The following SLC16A10 variants were observed in gnomAD, a reference collection of about 807,000 sequenced individuals.
The protein encoded by SLC16A10 is monocarboxylate transporter 10.
A neutral mutation model predicts 40.0 loss-of-function variants in SLC16A10; 27 were observed. The ratio of observed to expected loss-of-function variants is 0.67; its 90% CI spans 0.50 to 0.93. SLC16A10 has a LOEUF of 0.93. Ranked by LOEUF, SLC16A10 falls within the 40% of genes least tolerant of loss-of-function variation. The pLI is 0.00. For synonymous variants in SLC16A10, 213 were observed against 249.8 expected (o/e 0.85, Z 1.39); for missense variants, 529 against 658.2 (o/e 0.80, Z 2.15).
chr6:111,100,448 G>A (rs1771154089), intron 1 of SLC16A10, among the ~76,000 whole-genome samples: 1 of 152,060 alleles, frequency 6.6e-6, no homozygotes, highest in Non-Finnish European at 1.5e-5. Context: ...GAGTGCAGTG[G>A]TGCGATCTCG....
At chr6:111,123,264 GA>G (rs1328901121) in intron 1 of SLC16A10, among the ~76,000 whole-genome samples, 1 of 152,106 alleles carries the variant, frequency 6.6e-6, no homozygotes, top group Non-Finnish European at 1.5e-5. Context: ...ATTCTCTCAT[GA>G]GCAACTGTGC....
intron 1 of SLC16A10, among the ~76,000 whole-genome samples, chr6:111,106,726 A>T (rs1771290460): frequency 6.6e-6 from 1 of 152,254 alleles, no homozygotes; most frequent in Admixed American, 6.5e-5. Context: ...TGATAAGTGA[A>T]TAGAAACTAG....
rs1394555559 is a variant in SLC16A10 at position 111,228,417 on chromosome 6, T to C, written c.*6182T>C. 2.0e-5 allele frequency: 3 copies of C among 152,208 alleles called. No homozygotes were observed. The highest frequency in any genetic ancestry group is 7.2e-5 in the African/African-American group (3 of 41,448). The allele number at this position is 152,208 out of a possible 1,614,324, so 9.4% of individuals were successfully genotyped here. ...AACCCAGTCTACCCAAAGAAGTTGC[T>C]TTGCCTTTCAATATGAGTGCTATAA... On this transcript the variant is annotated 3_prime_UTR_variant, in exon 6 of 6. Transcript: ENST00000368851.
At chr6:111,141,932 G>A (rs1235383234) in intron 1 of SLC16A10, among the ~76,000 whole-genome samples, 1 of 152,138 alleles carries the variant, frequency 6.6e-6, no homozygotes, top group Non-Finnish European at 1.5e-5. Context: ...TTATTTTGTG[G>A]ATATTGACAA....
chr6:111,098,314 A>C (rs1330331695), intron 1 of SLC16A10, among the ~76,000 whole-genome samples: 2 of 152,186 alleles, frequency 1.3e-5, no homozygotes, highest in South Asian at 4.1e-4. Context: ...CTCAAAAAAA[A>C]AGAAAACCCT....
intron 4 of SLC16A10, among the ~76,000 whole-genome samples, chr6:111,215,573 A>C (rs1773406988): frequency 6.6e-6 from 1 of 152,194 alleles, no homozygotes; most frequent in African/African-American, 2.4e-5. Flanking sequence ...AATCCATTGA[A>C]TCTGGCCCCG....
chr6:111,147,300 T>C (rs1238486332), intron 1 of SLC16A10, among the ~76,000 whole-genome samples: 1 of 152,216 alleles, frequency 6.6e-6, no homozygotes, highest in Non-Finnish European at 1.5e-5. Context: ...ATAAAGTATT[T>C]ATAGCCAAAT....
chr6:111,116,830 C>A (rs903776766), intron 1 of SLC16A10, among the ~76,000 whole-genome samples: 1 of 152,136 alleles, frequency 6.6e-6, no homozygotes, highest in African/African-American at 2.4e-5. Context: ...GCAGCCAGAT[C>A]TTTTAAAGGT....
chr6:111,215,414 TAAAA>T (rs34294985), intron 4 of SLC16A10, among the ~76,000 whole-genome samples: 30 of 128,078 alleles, frequency 2.3e-4, no homozygotes, highest in Non-Finnish European at 3.3e-4. Context: ...GTACTGGTGT[TAAAA>T]AAAAAAAAAA....
At chr6:111,165,978 A>G (rs1354406093) in intron 1 of SLC16A10, among the ~76,000 whole-genome samples, 1 of 152,118 alleles carries the variant, frequency 6.6e-6, no homozygotes, top group Non-Finnish European at 1.5e-5. Context: ...TCCTTCAGAG[A>G]CCTGTAGCAA....
At chr6:111,157,269 T>C (rs1418426301) in intron 1 of SLC16A10, among the ~76,000 whole-genome samples, 1 of 151,920 alleles carries the variant, frequency 6.6e-6, no homozygotes, top group Non-Finnish European at 1.5e-5. Flanking sequence ...GATCGTACTA[T>C]TGAGATAAAA....
chr6:111,095,158 C>G (rs1285440619), intron 1 of SLC16A10, among the ~76,000 whole-genome samples: 1 of 152,250 alleles, frequency 6.6e-6, no homozygotes, highest in East Asian at 1.9e-4. Context: ...GCCCCTGCTT[C>G]TCTCCCTTAC....
In SLC16A10 at chr6:111,229,947, C is replaced by T. The variant is rs1771076727; in HGVS notation, c.*7712C>T. ...TCTTTAATGTTCTGTAGGTAGGATTCAGATGAATTGAGAATGACAGGTTTC... is the reference window on the plus strand; with the variant it reads ...TCTTTAATGTTCTGTAGGTAGGATTTAGATGAATTGAGAATGACAGGTTTC... On this transcript the variant is annotated 3_prime_UTR_variant, in exon 6 of 6. Coordinates refer to ENST00000368851, the MANE Select transcript of SLC16A10 (RefSeq NM_018593.5). 1 of 145,062 alleles carries T rather than the reference C, an allele frequency of 6.9e-6. No homozygotes were observed. Among genetic ancestry groups the T allele is most frequent in the African/African-American group, 2.5e-5 (1 of 39,220 alleles). 9.0% of individuals were successfully genotyped at this position (145,062 alleles called of 1,614,324 possible). A position where few individuals can be genotyped will look rare whatever the true frequency, so the allele number is the denominator to read the frequency against.
intron 3 of SLC16A10, among the ~76,000 whole-genome samples, chr6:111,198,406 TAAC>T (rs992562769): frequency 3.9e-5 from 6 of 152,372 alleles, no homozygotes; most frequent in African/African-American, 1.4e-4. Flanking sequence ...GTGCATCTCT[TAAC>T]AATGAGGATA....
chr6:111,181,371 A>C (rs888667880), intron 3 of SLC16A10, among the ~76,000 whole-genome samples: 1 of 152,220 alleles, frequency 6.6e-6, no homozygotes, highest in Non-Finnish European at 1.5e-5. Flanking sequence ...TGAGGATTAG[A>C]TAAAATGTAT....
chr6:111,113,656 G>C (rs1007958078), intron 1 of SLC16A10, among the ~76,000 whole-genome samples: 1 of 152,174 alleles, frequency 6.6e-6, no homozygotes, highest in South Asian at 2.1e-4. Context: ...GTGTTTAAGC[G>C]TGTAAGGCAG....
intron 3 of SLC16A10, among the ~76,000 whole-genome samples, chr6:111,200,356 C>T (rs1055059720): frequency 2.0e-5 from 3 of 152,130 alleles, no homozygotes; most frequent in African/African-American, 2.4e-5. Context: ...CTGGTCTAAT[C>T]GATAAATATC....
At chr6:111,221,405 A>T (rs937010741) in intron 5 of SLC16A10, among the ~76,000 whole-genome samples, 1 of 152,154 alleles carries the variant, frequency 6.6e-6, no homozygotes, top group African/African-American at 2.4e-5. Flanking sequence ...TTGAATTATG[A>T]TGTTAAATAG....
At chr6:111,217,449 G>GTTGTTTGTTGTTGTTGTTGTTGT (rs138661224) in intron 4 of SLC16A10, among the ~76,000 whole-genome samples, 7 of 151,800 alleles carry the variant, frequency 4.6e-5, no homozygotes, top group Admixed American at 4.6e-4. Context: ...TGTTGTTGTT[G>GTTGTTTGTTGTTGTTGTTGTTGT]TTGTTGTTGT....
Sources: gnomAD v4.1 joint callset for allele counts (sites outside exome capture counted in the v4.1 genomes callset) on GRCh38, gnomAD v4.1.1 for gene constraint, MANE v1.5 for transcripts, NCBI Gene and HGNC (gene_info 2026-07-23, HGNC 2026-07-21) for gene names.